The following NSMCE2 variants were observed in gnomAD, a reference collection of about 807,000 sequenced individuals.
NSMCE2 encodes the protein NSE2 SUMO ligase component of SMC5/6 complex.
NSMCE2 carries 24 observed loss-of-function variants against 23.8 expected under a neutral mutation model. That is an observed-to-expected ratio of 1.01 (90% CI 0.73 to 1.42). NSMCE2 has a LOEUF of 1.42. Ranked by LOEUF, NSMCE2 falls within the 40% of genes most tolerant of loss-of-function variation. The pLI is 0.00. For synonymous variants in NSMCE2, 92 were observed against 94.1 expected, an observed-to-expected ratio of 0.98 and a Z score of 0.13; for missense variants, 284 against 296.5, an observed-to-expected ratio of 0.96 and a Z score of 0.31.
intron 5 of NSMCE2, among the ~76,000 whole-genome samples, chr8:125,200,950 T>C (rs1185486998): frequency 6.6e-6 from 1 of 152,234 alleles, no homozygotes; most frequent in African/African-American, 2.4e-5. Flanking sequence ...TTTCTTCCAG[T>C]TGATCGAATC....
intron 3 of NSMCE2, among the ~76,000 whole-genome samples, chr8:125,143,532 A>G (rs1270339407): frequency 2.6e-5 from 4 of 152,134 alleles, no homozygotes; most frequent in Non-Finnish European, 4.4e-5. Flanking sequence ...GGAGTCAGCA[A>G]CCCCTTAAGA....
At chr8:125,243,664 TAAGAACTATA>T (rs1179668300) in intron 5 of NSMCE2, among the ~76,000 whole-genome samples, 1 of 152,146 alleles carries the variant, frequency 6.6e-6, no homozygotes, top group Non-Finnish European at 1.5e-5. Context: ...TAAGGAATTA[TAAGAACTATA>T]AAGAACTATA....
intron 3 of NSMCE2, among the ~76,000 whole-genome samples, chr8:125,135,242 GCT>G (rs1820003761): frequency 6.6e-6 from 1 of 152,106 alleles, no homozygotes; most frequent in Non-Finnish European, 1.5e-5. Context: ...TGGGGGACAA[GCT>G]CTCTCTATAT....
At position 125,207,417 on chromosome 8, in the gene NSMCE2, C is replaced by A. The variant is rs535615972; in HGVS notation, c.418+25161C>A. ...CAGTTCATCCCAAAGCTAGCAATTA[C>A]TTTTTATTTAGAAATTTTACTTTAA... On this transcript the variant is annotated intron_variant, in intron 5 of 7. Transcript: ENST00000287437. 5.3e-5 allele frequency among the ~76,000 whole-genome samples: 8 copies of A among 152,170 alleles called. No individual in the cohort carries two copies. In the East Asian group the frequency reaches 1.5e-3, roughly 29 times the overall value.
chr8:125,228,616 A>G (rs989256720), intron 5 of NSMCE2, among the ~76,000 whole-genome samples: 1 of 152,186 alleles, frequency 6.6e-6, no homozygotes, highest in Non-Finnish European at 1.5e-5. Flanking sequence ...AGTATAGTAC[A>G]TTCAGAGCCA....
At chr8:125,122,181 A>AG (rs1819300497) in intron 3 of NSMCE2, among the ~76,000 whole-genome samples, 1 of 151,928 alleles carries the variant, frequency 6.6e-6, no homozygotes, top group Non-Finnish European at 1.5e-5. Context: ...CCAAAAAAAA[A>AG]AAAAAAAAAA....
chr8:125,160,640 C>T (rs6992545), intron 4 of NSMCE2, among the ~76,000 whole-genome samples: 14,930 of 152,148 alleles, frequency 0.098, 943 homozygotes, highest in South Asian at 0.17. Context: ...AAAAAGATAC[C>T]GCACCCTTTA....
At chr8:125,119,459 C>CT (rs1819168544) in intron 3 of NSMCE2, among the ~76,000 whole-genome samples, 1 of 152,150 alleles carries the variant, frequency 6.6e-6, no homozygotes, top group Non-Finnish European at 1.5e-5. Context: ...ATTAATTCTG[C>CT]TTTTTTGTCT....
chr8:125,217,954 C>G (rs1275155903), intron 5 of NSMCE2, among the ~76,000 whole-genome samples: 2 of 151,666 alleles, frequency 1.3e-5, no homozygotes, highest in Non-Finnish European at 2.9e-5. Context: ...CAAGAAGGCT[C>G]AGGTATTTGT....
intron 5 of NSMCE2, among the ~76,000 whole-genome samples, chr8:125,228,168 T>C (rs1396050043): frequency 1.3e-5 from 2 of 152,174 alleles, no homozygotes; most frequent in Non-Finnish European, 2.9e-5. Context: ...ATTATAAAGA[T>C]TAAATAAAAT....
At position 125,297,411 on chromosome 8, in the gene NSMCE2, G is replaced by A. The variant is rs376641588; in HGVS notation, c.419-59808G>A. Among the ~76,000 whole-genome samples the A allele has an allele frequency of 5.9e-5, 9 of 152,294 alleles. 1 individual carries two copies. In the East Asian group the frequency reaches 9.6e-4, roughly 16 times the overall value. ...GTTGAGGGACCTCCTGGGACAGGCAGCTCATTCCATTTTCAAATAGTTCTA... is the reference window on the plus strand; with the variant it reads ...GTTGAGGGACCTCCTGGGACAGGCAACTCATTCCATTTTCAAATAGTTCTA... On this transcript the variant is annotated intron_variant, in intron 5 of 7. Transcript: ENST00000287437.
At chr8:125,308,317 G>T (rs1586747492) in intron 5 of NSMCE2, among the ~76,000 whole-genome samples, 1 of 151,212 alleles carries the variant, frequency 6.6e-6, no homozygotes, top group African/African-American at 2.5e-5. Flanking sequence ...TGGATGTTTT[G>T]GGGGGAAAAA....
chr8:125,138,503 G>A (rs944575600), intron 3 of NSMCE2, among the ~76,000 whole-genome samples: 1 of 152,164 alleles, frequency 6.6e-6, no homozygotes, highest in African/African-American at 2.4e-5. Context: ...TGGGATTACA[G>A]ATGTGAGCCA....
chr8:125,242,981 G>T (rs1396956894), intron 5 of NSMCE2, among the ~76,000 whole-genome samples: 6 of 151,894 alleles, frequency 4.0e-5, no homozygotes, highest in Non-Finnish European at 8.8e-5. Context: ...CAACATTTTT[G>T]ATAGAACACT....
Position 125,234,281 on chromosome 8 carries a change from G to T in NSMCE2, c.418+52025G>T, listed in dbSNP as rs192681600. ...TTGTCAACATTCATCTAGACTAATAGCAGTTGAGAAGAAATGAACAAATAC... is the reference window on the plus strand; with the variant it reads ...TTGTCAACATTCATCTAGACTAATATCAGTTGAGAAGAAATGAACAAATAC... On this transcript the variant is annotated intron_variant, in intron 5 of 7. Coordinates refer to ENST00000287437, the MANE Select transcript of NSMCE2 (RefSeq NM_173685.4). 3.3e-5 allele frequency among the ~76,000 whole-genome samples: 5 copies of T among 152,262 alleles called. No individual in the cohort carries two copies. In the East Asian group the frequency reaches 9.6e-4, roughly 29 times the overall value.
At chr8:125,128,703 G>A (rs1253317567) in intron 3 of NSMCE2, among the ~76,000 whole-genome samples, 1 of 152,196 alleles carries the variant, frequency 6.6e-6, no homozygotes, top group Non-Finnish European at 1.5e-5. Context: ...CCAGCTTCTA[G>A]AGGCAGTGCA....
Position 125,182,194 on chromosome 8 carries a change from A to G in NSMCE2, c.356A>G (p.Asp119Gly). The G allele has an allele frequency of 6.2e-7, 1 of 1,607,430 alleles. No individual in the cohort carries two copies. The highest frequency in any genetic ancestry group is 8.5e-7 in the Non-Finnish European group (1 of 1,176,158). ...TTACAGAGCAAGAATTCTGATGCAG[A>G]CTTTCAAAATAATGAAAAATTTGTA... Reference protein sequence around the residue: ...LALQSKNSDADFQNNEKFVQF... With the variant: ...LALQSKNSDAGFQNNEKFVQF... The change falls in exon 5 of 8, where the codon GAC (aspartate) becomes GGC (glycine). Residue 119 changes from aspartate (D) to glycine (G), a missense_variant. By Grantham distance (94) the Asp-to-Gly change is moderately conservative. This residue lies in a region of NSMCE2 where 182 missense variants were observed against 155.5 expected (regional missense o/e 1.17). Transcript: ENST00000287437.
chr8:125,365,989 C>CTG (rs1471377434), intron 7 of NSMCE2, among the ~76,000 whole-genome samples: 1 of 152,220 alleles, frequency 6.6e-6, no homozygotes, highest in African/African-American at 2.4e-5. Context: ...GGGCACCAAG[C>CTG]TGGAACGTCC....
rs145818324 is a variant in NSMCE2, at chr8:125,350,743, C to T, written c.419-6476C>T. On this transcript the variant is annotated intron_variant, in intron 5 of 7. Coordinates refer to ENST00000287437, the MANE Select transcript of NSMCE2 (RefSeq NM_173685.4). ...AAGAACAGCATGGGAAAGATCTGCC[C>T]CCATGATTCAGTTGCCTCTCATTGG... Among the ~76,000 whole-genome samples the T allele has an allele frequency of 5.7e-3, 868 of 152,218 alleles. 5 individuals carry two copies. Among genetic ancestry groups the T allele is most frequent in the Non-Finnish European group, 8.4e-3 (570 of 68,020 alleles).
Sources: gnomAD v4.1 joint callset for allele counts (sites outside exome capture counted in the v4.1 genomes callset) on GRCh38, gnomAD v4.1.1 for gene constraint, gnomAD v4.1.1 regional missense constraint, MANE v1.5 for transcripts, NCBI Gene and HGNC (gene_info 2026-07-23, HGNC 2026-07-21) for gene names.